Variants in SLAMF8 observed in about 807,000 individuals in gnomAD.
SLAMF8 encodes the protein B lymphocyte activator macrophage expressed.
SLAMF8 carries 23 observed loss-of-function variants against 29.0 expected under a neutral mutation model. That is an observed-to-expected ratio of 0.79 (90% CI 0.57 to 1.13). The LOEUF is 1.13. SLAMF8 is among the 50% of genes most tolerant of loss of function. SLAMF8 has a pLI of 0.00. For synonymous variants in SLAMF8, 139 were observed against 145.6 expected (o/e 0.96, Z 0.32); for missense variants, 381 against 353.1 (o/e 1.08, Z -0.63).
At position 159,837,064 on chromosome 1, in the gene SLAMF8, C is replaced by T. The variant is rs1293373230; in HGVS notation, c.*1804C>T. The stretch of plus-strand genomic sequence containing the variant: ...GGAAAAAATACACAGCACTCCCCAC[C>T]TTTCTTTCGTTCATCTCCAGGGCCC... On this transcript the variant is annotated 3_prime_UTR_variant, in exon 5 of 5. Coordinates refer to ENST00000289707, the MANE Select transcript of SLAMF8 (RefSeq NM_020125.3). 1.0e-6 allele frequency: 1 copy of T among 985,320 alleles called. No individual in the cohort carries two copies. The highest frequency in any genetic ancestry group is 1.2e-6 in the Non-Finnish European group (1 of 829,944). The allele number at this position is 985,320 out of a possible 1,614,324, so 61.0% of individuals were successfully genotyped here.
Position 159,836,006 on chromosome 1 carries a change from C to A in SLAMF8, c.*746C>A. Reference sequence around the variant, plus strand: ...TCTCCATCCGCTCTCACGCCTCCTGCAGGATCTGGGAGTGAGGGTGGAGAG... The same window carrying A: ...TCTCCATCCGCTCTCACGCCTCCTGAAGGATCTGGGAGTGAGGGTGGAGAG... On this transcript the variant is annotated 3_prime_UTR_variant, in exon 5 of 5. Transcript: ENST00000289707. 1 of 985,456 alleles carries A rather than the reference C, an allele frequency of 1.0e-6. No homozygotes were observed. The highest frequency in any genetic ancestry group is 4.7e-5 in the South Asian group (1 of 21,292). 61.0% of individuals were successfully genotyped at this position (985,456 alleles called of 1,614,324 possible).
chr1:159,828,845 A>G (rs555984914), intron 1 of SLAMF8, among the ~76,000 whole-genome samples: 28 of 151,988 alleles, frequency 1.8e-4, no homozygotes, highest in East Asian at 3.9e-4. Context: ...CAAAGGAGTC[A>G]GGGGGGCACT....
At chr1:159,832,120 C>G (rs143063639) in intron 2 of SLAMF8, among the ~76,000 whole-genome samples, 1 of 152,124 alleles carries the variant, frequency 6.6e-6, no homozygotes, top group Non-Finnish European at 1.5e-5. Context: ...GGCTAGGACA[C>G]CAGGATATCA....
In SLAMF8 at chr1:159,830,158, GC is replaced by G. The variant is rs1647381620; in HGVS notation, c.336del (p.Trp113GlyfsTer24). 5.0e-6 allele frequency: 8 copies of G among 1,611,386 alleles called. No individual in the cohort carries two copies. The highest frequency in any genetic ancestry group is 5.9e-6 in the Non-Finnish European group (7 of 1,178,060). The part of the protein sequence containing the change: ...SVLMVDTRGQ[P>X]WTQTLQLKVY... The stretch of plus-strand genomic sequence containing the variant: ...TGTTGATGGTGGACACAAGGGGCCA[GC>G]CCTGGACCCAGACCCTCCAGCTCAA... On this transcript the variant is annotated frameshift_variant, in exon 2 of 5. Coordinates refer to ENST00000289707, the MANE Select transcript of SLAMF8 (RefSeq NM_020125.3). LOFTEE classifies it high-confidence loss of function.
Position 159,833,025 on chromosome 1 carries a change from G to A in SLAMF8, c.517G>A (p.Gly173Ser), listed in dbSNP as rs763899417. ...SWRRETTMDF[G>S]MEPHSLFTDG... is the part of the protein sequence containing the mutation. ...GCGACGGGAGACAACCATGGACTTT[G>A]GTATGGAACCACACAGCCTCTTCAC... The change falls in exon 3 of 5, where the codon GGT becomes AGT. Residue 173 changes from glycine to serine, a missense_variant. Transcript: ENST00000289707. 1.2e-6 allele frequency: 2 copies of A among 1,614,198 alleles called. No homozygotes were observed. Among genetic ancestry groups the A allele is most frequent in the Admixed American group, 1.7e-5 (1 of 60,026 alleles).
At position 159,835,599 on chromosome 1, in the gene SLAMF8, C is replaced by T. The variant is rs2101803632; in HGVS notation, c.*339C>T. On this transcript the variant is annotated 3_prime_UTR_variant, in exon 5 of 5. Coordinates refer to ENST00000289707, the MANE Select transcript of SLAMF8 (RefSeq NM_020125.3). ...GTCCAAGGCATTCCCTCCCCCACCA[C>T]TATTCATAAAGTATTAACCAACTGG... 2.8e-6 allele frequency: 3 copies of T among 1,057,492 alleles called. No homozygotes were observed. The highest frequency in any genetic ancestry group is 3.4e-6 in the Non-Finnish European group (3 of 875,802). 65.5% of individuals were successfully genotyped at this position (1,057,492 alleles called of 1,614,324 possible). A position where few individuals can be genotyped will look rare whatever the true frequency, so the allele number is the denominator to read the frequency against.
rs1441514711 is a variant in SLAMF8, at chr1:159,836,392, T to A, written c.*1132T>A. The stretch of plus-strand genomic sequence containing the variant: ...TAGGAAAATACATTCTGCCCCTGAA[T>A]GATTCTGTCTAGAAAAGCTCTGGAG... On this transcript the variant is annotated 3_prime_UTR_variant, in exon 5 of 5. Transcript: ENST00000289707. 6.1e-6 allele frequency: 6 copies of A among 985,326 alleles called. No homozygotes were observed. Among genetic ancestry groups the A allele is most frequent in the Middle Eastern group, 5.2e-4 (1 of 1,936 alleles). 61.0% of individuals were successfully genotyped at this position (985,326 alleles called of 1,614,324 possible).
intron 1 of SLAMF8, 124 bp from the exon 2 acceptor site, chr1:159,829,742 C>T (rs1557887698): frequency 1.9e-6 from 2 of 1,033,750 alleles, no homozygotes; most frequent in African/African-American, 1.6e-5. Context: ...ACAGTGCAAC[C>T]TCAACTTGAG....
chr1:159,833,343 C>A lies in SLAMF8; in HGVS notation c.755C>A (p.Ser252Tyr). The part of the protein sequence containing the change: ...SLLLMLVTLF[S>Y]AWHWCPCSGK... ...CTCCTGATGCTGGTTACTCTCTTCT[C>A]TGCCTGGCACTGGTGCCCCTGCTCA... Residue 252 changes from serine to tyrosine, a missense_variant, in exon 4 of 5, where the codon TCT becomes TAT. Coordinates refer to ENST00000289707, the MANE Select transcript of SLAMF8 (RefSeq NM_020125.3). 1.2e-6 allele frequency: 2 copies of A among 1,614,054 alleles called. No homozygotes were observed. Among genetic ancestry groups the A allele is most frequent in the Non-Finnish European group, 1.7e-6 (2 of 1,179,892 alleles).
At position 159,832,895 on chromosome 1, in the gene SLAMF8, G is replaced by T; in HGVS notation, c.387G>T (p.Val129=). 1 of 1,613,952 alleles carries T rather than the reference G, an allele frequency of 6.2e-7. No homozygotes were observed. Among genetic ancestry groups the T allele is most frequent in the Non-Finnish European group, 8.5e-7 (1 of 1,179,810 alleles). The part of the protein sequence containing the change: ...LKVYDAVPRP[V]VQVFIAVERD... The stretch of plus-strand genomic sequence containing the variant: ...TCCCAGATGCAGTGCCCAGGCCCGT[G>T]GTACAAGTGTTCATTGCTGTAGAAA... Residue 129 remains valine (V), a synonymous_variant, in exon 3 of 5, where the codon GTG becomes GTT. Coordinates refer to ENST00000289707, the MANE Select transcript of SLAMF8 (RefSeq NM_020125.3).
intron 2 of SLAMF8, among the ~76,000 whole-genome samples, chr1:159,832,432 AGAGCTCAGAGCCATGCCTGG>A (rs1293412598): frequency 6.6e-6 from 1 of 152,252 alleles, no homozygotes; most frequent in Non-Finnish European, 1.5e-5. Context: ...GAGTGCTTGG[AGAGCTCAGAGCCATGCCTGG>A]GAAGGCTTCA....
chr1:159,827,357 G>A lies in SLAMF8; in HGVS notation c.40+419G>A, dbSNP rs1339375216. On this transcript the variant is annotated intron_variant, in intron 1 of 4. Coordinates refer to ENST00000289707, the MANE Select transcript of SLAMF8 (RefSeq NM_020125.3). Reference sequence around the variant, plus strand: ...CAGGGTTCCCCACAATCAGCAGAGTGTGTTTTCAACAGCCTGTGGGGGAGC... The same window carrying A: ...CAGGGTTCCCCACAATCAGCAGAGTATGTTTTCAACAGCCTGTGGGGGAGC... Among the ~76,000 whole-genome samples the A allele has an allele frequency of 2.0e-5, 3 of 152,180 alleles. No homozygotes were observed. The East Asian group carries it at 5.8e-4, about 29-fold the overall frequency.
intron 1 of SLAMF8, 87 bp downstream of exon 1, chr1:159,827,025 T>G: frequency 6.5e-7 from 1 of 1,535,254 alleles, no homozygotes; most frequent in Non-Finnish European, 9.0e-7. Context: ...CAGGGATCCC[T>G]CGACCTGGGT....
chr1:159,832,578 G>A (rs776576509), intron 2 of SLAMF8, among the ~76,000 whole-genome samples: 3 of 152,236 alleles, frequency 2.0e-5, no homozygotes, highest in Non-Finnish European at 4.4e-5. Flanking sequence ...GTGAAAGCAT[G>A]AAAGATATTC....
chr1:159,832,345 T>C (rs942453957), intron 2 of SLAMF8, among the ~76,000 whole-genome samples: 7 of 152,262 alleles, frequency 4.6e-5, no homozygotes, highest in African/African-American at 1.7e-4. Flanking sequence ...TTTGTTTTCT[T>C]GCCTGACTTA....
In SLAMF8 at chr1:159,835,549, A is replaced by G; in HGVS notation, c.*289A>G. 1 of 1,175,786 alleles carries G rather than the reference A, an allele frequency of 8.5e-7. No individual in the cohort carries two copies. Among genetic ancestry groups the G allele is most frequent in the Non-Finnish European group, 1.1e-6 (1 of 949,970 alleles). The allele number at this position is 1,175,786 out of a possible 1,614,324, so 72.8% of individuals were successfully genotyped here. ...TCCAGGACACTGGAAGTTCTCCAGG[A>G]TCCAGATCCATGGGGACATTAATAG... is the stretch of plus-strand genomic sequence containing the variant. On this transcript the variant is annotated 3_prime_UTR_variant, in exon 5 of 5. Transcript: ENST00000289707.
Position 159,835,829 on chromosome 1 carries a change from T to C in SLAMF8, c.*569T>C. On this transcript the variant is annotated 3_prime_UTR_variant, in exon 5 of 5. Coordinates refer to ENST00000289707, the MANE Select transcript of SLAMF8 (RefSeq NM_020125.3). ...GAAAGTGAGAGGTGGGGGACAGGGGTTTCTCTTTCTGGCCTAAGGACTTTC... is the reference window on the plus strand; with the variant it reads ...GAAAGTGAGAGGTGGGGGACAGGGGCTTCTCTTTCTGGCCTAAGGACTTTC... 1 of 985,290 alleles carries C rather than the reference T, an allele frequency of 1.0e-6. No homozygotes were observed. Among genetic ancestry groups the C allele is most frequent in the Non-Finnish European group, 1.2e-6 (1 of 829,964 alleles). The allele number at this position is 985,290 out of a possible 1,614,324, so 61.0% of individuals were successfully genotyped here. A position where few individuals can be genotyped will look rare whatever the true frequency, so the allele number is the denominator to read the frequency against.
chr1:159,829,091 C>T (rs1647277066), intron 1 of SLAMF8, among the ~76,000 whole-genome samples: 1 of 152,124 alleles, frequency 6.6e-6, no homozygotes, highest in Non-Finnish European at 1.5e-5. Flanking sequence ...TCAATTCCTC[C>T]CACTTCTTCC....
Position 159,835,620 on chromosome 1 carries a change from A to G in SLAMF8, c.*360A>G. The stretch of plus-strand genomic sequence containing the variant: ...ACCACTATTCATAAAGTATTAACCA[A>G]CTGGCACCAAGGAATTGCCTCCAGC... On this transcript the variant is annotated 3_prime_UTR_variant, in exon 5 of 5. Transcript: ENST00000289707. 9.8e-7 allele frequency: 1 copy of G among 1,020,134 alleles called. No homozygotes were observed. Among genetic ancestry groups the G allele is most frequent in the South Asian group, 4.4e-5 (1 of 22,870 alleles). 63.2% of individuals were successfully genotyped at this position (1,020,134 alleles called of 1,614,324 possible).
Sources: allele counts gnomAD v4.1 joint callset (sites outside exome capture counted in the v4.1 genomes callset), GRCh38; gene constraint gnomAD v4.1.1; transcripts MANE v1.5; gene names NCBI Gene and HGNC (gene_info 2026-07-23, HGNC 2026-07-21).